Variants in PGAP1 observed in about 807,000 individuals in gnomAD.
PGAP1 encodes the protein GPI inositol-deacylase.
In PGAP1, 76 loss-of-function variants were observed where a neutral mutation model predicts 127.0. The observed-to-expected ratio is 0.60, with a 90% CI of 0.50 to 0.72. PGAP1 has a LOEUF of 0.72. Ranked by LOEUF, PGAP1 falls within the 30% of genes least tolerant of loss-of-function variation. The pLI, the probability that PGAP1 is intolerant of heterozygous loss-of-function variation, is 0.00. For missense variants in PGAP1, 982 were observed against 1,071.3 expected, an observed-to-expected ratio of 0.92 and a Z score of 1.16; for synonymous variants, 362 against 366.5, an observed-to-expected ratio of 0.99 and a Z score of 0.14.
intron 10 of PGAP1, among the ~76,000 whole-genome samples, chr2:196,886,362 T>C (rs1701902806): frequency 6.6e-6 from 1 of 151,972 alleles, no homozygotes; most frequent in Non-Finnish European, 1.5e-5. Context: ...GGTTTCACCA[T>C]GTTGGCCAGG....
At chr2:196,873,244 G>C (rs1048754025) in intron 16 of PGAP1, among the ~76,000 whole-genome samples, 3 of 151,770 alleles carry the variant, frequency 2.0e-5, no homozygotes, top group African/African-American at 7.3e-5. Context: ...TTAAGAAAGT[G>C]GAAAAATACT....
At chr2:196,885,584 G>T in intron 11 of PGAP1, 109 bp from the exon 12 acceptor site, 3 of 811,528 alleles carry the variant, frequency 3.7e-6, no homozygotes, top group Non-Finnish European at 5.9e-6. Flanking sequence ...TAGTAGAGAT[G>T]TCTATTGAGC....
At chr2:196,886,638 A>G (rs182705855) in intron 10 of PGAP1, among the ~76,000 whole-genome samples, 194 of 152,312 alleles carry the variant, frequency 1.3e-3, no homozygotes, top group African/African-American at 4.5e-3. Context: ...TCAAGCAATT[A>G]AAAATAATTT....
rs1274349710 is a variant in PGAP1, at chr2:196,834,419, C to T, written c.*6815G>A. 1 of 152,360 alleles carries T rather than the reference C, an allele frequency of 6.6e-6. No individual in the cohort carries two copies. The highest frequency in any genetic ancestry group is 1.5e-5 in the Non-Finnish European group (1 of 67,894). The allele number at this position is 152,360 out of a possible 1,614,324, so 9.4% of individuals were successfully genotyped here. A position where few individuals can be genotyped will look rare whatever the true frequency, so the allele number is the denominator to read the frequency against. ...AGAGGACCACCCATAATAAAATGTA[C>T]AGTTATAAAATTGCAGGGCACTCTT... On this transcript the variant is annotated 3_prime_UTR_variant, in exon 27 of 27. Coordinates refer to ENST00000354764, the MANE Select transcript of PGAP1 (RefSeq NM_024989.4).
At position 196,904,100 on chromosome 2, in the gene PGAP1, CAAATAT is replaced by C. The variant is rs1407645795; in HGVS notation, c.650-1364_650-1359del. On this transcript the variant is annotated intron_variant, in intron 4 of 26. Transcript: ENST00000354764. Reference sequence around the variant, plus strand: ...AAATCCAGCTAATAACCTGTTAAATCAAATATATTTTTTTCTGCCTATCTTTAAAAA... The same window carrying C: ...AAATCCAGCTAATAACCTGTTAAATCATTTTTTTCTGCCTATCTTTAAAAA... 2.6e-5 allele frequency among the ~76,000 whole-genome samples: 4 copies of C among 152,244 alleles called. No homozygotes were observed. In the East Asian group the frequency reaches 7.7e-4, roughly 29 times the overall value.
chr2:196,903,560 CAAAAAAAAAAA>C (rs11312715), intron 4 of PGAP1, among the ~76,000 whole-genome samples: 1 of 79,324 alleles, frequency 1.3e-5, no homozygotes, highest in Non-Finnish European at 2.6e-5. Context: ...GACTCTGTCT[CAAAAAAAAAAA>C]AAAAAAAAAA....
intron 5 of PGAP1, among the ~76,000 whole-genome samples, chr2:196,898,689 C>T (rs1702371133): frequency 1.3e-5 from 2 of 152,082 alleles, no homozygotes; most frequent in African/African-American, 4.8e-5. Context: ...TAATGAGAGA[C>T]AAGTTTAAGA....
chr2:196,926,137 G>T (rs544452201), intron 1 of PGAP1, among the ~76,000 whole-genome samples: 2 of 152,138 alleles, frequency 1.3e-5, no homozygotes, highest in Admixed American at 6.5e-5. Context: ...TGGGCATGAG[G>T]GGGGCTGGGC....
At chr2:196,889,966 C>T (rs1038732651) in intron 10 of PGAP1, among the ~76,000 whole-genome samples, 1 of 151,616 alleles carries the variant, frequency 6.6e-6, no homozygotes, top group Non-Finnish European at 1.5e-5. Context: ...CAGGGCCTCA[C>T]TTCGTCACCC....
chr2:196,860,043 C>A (rs1701014952), intron 20 of PGAP1, among the ~76,000 whole-genome samples: 1 of 151,920 alleles, frequency 6.6e-6, no homozygotes, highest in Non-Finnish European at 1.5e-5. Flanking sequence ...AAAAGTACAT[C>A]CAAATTGGAA....
At chr2:196,881,885 C>T (rs989040328) in intron 12 of PGAP1, among the ~76,000 whole-genome samples, 1 of 151,838 alleles carries the variant, frequency 6.6e-6, no homozygotes, top group Non-Finnish European at 1.5e-5. Context: ...TCCCATTTGT[C>T]AATTTTTGCT....
chr2:196,919,771 C>A (rs1703126986), intron 2 of PGAP1, among the ~76,000 whole-genome samples: 2 of 152,150 alleles, frequency 1.3e-5, no homozygotes, highest in African/African-American at 4.8e-5. Context: ...CTATCTTATT[C>A]TTTGTACCCC....
intron 10 of PGAP1, among the ~76,000 whole-genome samples, chr2:196,887,316 G>A (rs889973104): frequency 2.6e-5 from 4 of 151,962 alleles, no homozygotes; most frequent in South Asian, 2.1e-4. Flanking sequence ...CCTGGGAGGC[G>A]GAGCTTGCAG....
intron 1 of PGAP1, among the ~76,000 whole-genome samples, chr2:196,923,107 T>C (rs1262384073): frequency 6.6e-6 from 1 of 152,212 alleles, no homozygotes; most frequent in Non-Finnish European, 1.5e-5. Flanking sequence ...CCCATGGTCC[T>C]TCAGCCATCC....
chr2:196,881,478 C>T (rs984861784), intron 12 of PGAP1, among the ~76,000 whole-genome samples: 2 of 152,218 alleles, frequency 1.3e-5, no homozygotes, highest in African/African-American at 4.8e-5. Flanking sequence ...AATTTACACT[C>T]CCACTAACAG....
chr2:196,873,463 T>C, intron 16 of PGAP1, 65 bp downstream of exon 16: 1 of 1,175,388 alleles, frequency 8.5e-7, no homozygotes, highest in Non-Finnish European at 1.2e-6. Flanking sequence ...AAATTTGAGT[T>C]AACACCTATT....
intron 12 of PGAP1, 126 bp downstream of exon 12, chr2:196,885,298 T>A (rs1175645971): frequency 5.2e-6 from 3 of 575,888 alleles, no homozygotes; most frequent in Non-Finnish European, 9.2e-6. Flanking sequence ...ATTTTTTAAA[T>A]GTAGGTTAGT....
At chr2:196,855,531 CA>C (rs1303555587) in intron 20 of PGAP1, among the ~76,000 whole-genome samples, 1 of 151,904 alleles carries the variant, frequency 6.6e-6, no homozygotes, top group Non-Finnish European at 1.5e-5. Flanking sequence ...TCAAGCAGAA[CA>C]AAAATTAATT....
rs938122935 is a variant in PGAP1 at position 196,838,005 on chromosome 2, G to A, written c.*3229C>T. The A allele has an allele frequency of 2.0e-5, 3 of 152,136 alleles. No individual in the cohort carries two copies. The highest frequency in any genetic ancestry group is 1.3e-4 in the Admixed American group (2 of 15,278). 9.4% of individuals were successfully genotyped at this position (152,136 alleles called of 1,614,324 possible). ...CTGGTGATAACCAAGAGAAAAAAAA[G>A]AGTTAGCAGAACCTGTTTAATTTCT... On this transcript the variant is annotated 3_prime_UTR_variant, in exon 27 of 27. Transcript: ENST00000354764.
Sources: gnomAD v4.1 joint callset for allele counts (sites outside exome capture counted in the v4.1 genomes callset) on GRCh38, gnomAD v4.1.1 for gene constraint, MANE v1.5 for transcripts, NCBI Gene and HGNC (gene_info 2026-07-23, HGNC 2026-07-21) for gene names.